The following ARHGEF10L variants were observed in gnomAD, a reference collection of about 807,000 sequenced individuals.
ARHGEF10L encodes the protein rho guanine nucleotide exchange factor 10-like protein.
ARHGEF10L carries 69 observed loss-of-function variants against 141.2 expected under a neutral mutation model. The observed-to-expected ratio is 0.49, with a 90% CI of 0.40 to 0.60. The LOEUF is 0.60. Among genes scored for constraint, ARHGEF10L ranks in the 20% least tolerant of loss-of-function variants. The pLI is 0.00. For missense variants in ARHGEF10L, 1,482 were observed against 1,734.3 expected (o/e 0.85, Z 2.58); for synonymous variants, 711 against 718.5 (o/e 0.99, Z 0.17).
At chr1:17,668,319 C>G (rs928411769) in intron 26 of ARHGEF10L, among the ~76,000 whole-genome samples, 3 of 152,258 alleles carry the variant, frequency 2.0e-5, no homozygotes, top group Non-Finnish European at 4.4e-5. Flanking sequence ...TGGAAGACAG[C>G]CTTCCTCCTG....
At chr1:17,610,021 C>T (rs760013756) in intron 7 of ARHGEF10L, among the ~76,000 whole-genome samples, 2 of 152,218 alleles carry the variant, frequency 1.3e-5, no homozygotes, top group Non-Finnish European at 2.9e-5. Context: ...TGGCGTTCCT[C>T]CTCCTCTCCC....
chr1:17,643,170 T>C (rs79943492), intron 21 of ARHGEF10L, among the ~76,000 whole-genome samples: 3,515 of 152,232 alleles, frequency 0.023, 151 homozygotes, highest in African/African-American at 0.081. Context: ...TGGGAGGGGA[T>C]GATAATATGA....
rs2060317562 is a variant in ARHGEF10L, at chr1:17,625,210, TAA to T, written c.1317+709_1317+710del. Among the ~76,000 whole-genome samples the T allele has an allele frequency of 6.6e-6, 1 of 152,092 alleles. No individual in the cohort carries two copies. Among genetic ancestry groups the T allele is most frequent in the Non-Finnish European group, 1.5e-5 (1 of 68,020 alleles). ...CGGGGGATGGTGGGATTGTGCCAAATAAAGACAGAGGAGAGCCTATATCAGGT... is the reference window on the plus strand; with the variant it reads ...CGGGGGATGGTGGGATTGTGCCAAATAGACAGAGGAGAGCCTATATCAGGT... On this transcript the variant is annotated intron_variant, in intron 13 of 28. Coordinates refer to ENST00000361221, the MANE Select transcript of ARHGEF10L (RefSeq NM_018125.4). The surrounding 1 kb of genome is among the most constrained non-coding windows in gnomAD (Gnocchi z 4.5).
chr1:17,689,834 TGA>T, intron 27 of ARHGEF10L: 2 of 454,894 alleles, frequency 4.4e-6, no homozygotes, highest in Non-Finnish European at 8.8e-6. Context: ...CAGAGGAGAG[TGA>T]GAGAGAGTCA....
At chr1:17,671,661 C>G (rs913763429) in intron 26 of ARHGEF10L, among the ~76,000 whole-genome samples, 5 of 152,210 alleles carry the variant, frequency 3.3e-5, no homozygotes, top group African/African-American at 1.2e-4. Flanking sequence ...GTGGGGTTAA[C>G]TGGGGCAGCC....
chr1:17,533,019 C>G, the ARHGEF10L span, among the ~76,000 whole-genome samples: 6 of 152,184 alleles, frequency 3.9e-5, no homozygotes, highest in African/African-American at 1.2e-4. Context: ...TCATCCTGCA[C>G]CAAGACAGTG....
At chr1:17,592,534 G>T (rs1175562350) in intron 4 of ARHGEF10L, among the ~76,000 whole-genome samples, 2 of 152,144 alleles carry the variant, frequency 1.3e-5, no homozygotes, top group African/African-American at 4.8e-5. Context: ...GGGCTGAGAG[G>T]ATCAGGGCAA....
At chr1:17,601,365 A>G (rs992666554) in intron 4 of ARHGEF10L, among the ~76,000 whole-genome samples, 1 of 152,192 alleles carries the variant, frequency 6.6e-6, no homozygotes, top group Non-Finnish European at 1.5e-5. Flanking sequence ...GAAGGGACTC[A>G]CTGGGCCAGC....
intron 26 of ARHGEF10L, among the ~76,000 whole-genome samples, chr1:17,677,452 G>A (rs569105473): frequency 1.3e-5 from 2 of 152,186 alleles, no homozygotes. Flanking sequence ...TGTCTCCTTC[G>A]ATCGGTGCCG....
chr1:17,575,926 T>C (rs1283000785), intron 1 of ARHGEF10L, among the ~76,000 whole-genome samples: 1 of 152,208 alleles, frequency 6.6e-6, no homozygotes, highest in East Asian at 1.9e-4. Context: ...ACAAGCGTGC[T>C]TGGGCCAGAA....
rs1027999187 is a variant in ARHGEF10L, at chr1:17,673,555, G to A, written c.3009+8960G>A. Among the ~76,000 whole-genome samples, 11 of 152,164 alleles carry A rather than the reference G, an allele frequency of 7.2e-5. No individual in the cohort carries two copies. The highest frequency in any genetic ancestry group is 2.0e-4 in the Admixed American group (3 of 15,286). On this transcript the variant is annotated intron_variant, in intron 26 of 28. Transcript: ENST00000361221. This position sits in a 1 kb window ranked among gnomAD's most constrained non-coding sequence, Gnocchi z 4.1. ...GAGGTCACATGTGCAGAGGGTGTAGGCTAGTGCCTAATGCACACTCAGGCA... is the reference window on the plus strand; with the variant it reads ...GAGGTCACATGTGCAGAGGGTGTAGACTAGTGCCTAATGCACACTCAGGCA...
intron 25 of ARHGEF10L, among the ~76,000 whole-genome samples, chr1:17,661,820 C>T (rs1191762636): frequency 1.3e-5 from 2 of 152,254 alleles, no homozygotes; most frequent in Non-Finnish European, 1.5e-5. Context: ...GCATCCCTGG[C>T]GGAGCCCTGG....
intron 26 of ARHGEF10L, among the ~76,000 whole-genome samples, chr1:17,667,448 G>A (rs1306390215): frequency 6.6e-6 from 1 of 152,196 alleles, no homozygotes; most frequent in African/African-American, 2.4e-5. Flanking sequence ...GGGGGAGTGG[G>A]GCCCGAGACA....
At chr1:17,594,902 C>T (rs1428865655) in intron 4 of ARHGEF10L, among the ~76,000 whole-genome samples, 1 of 152,134 alleles carries the variant, frequency 6.6e-6, no homozygotes, top group Non-Finnish European at 1.5e-5. Flanking sequence ...CTCATTGTCA[C>T]TGTCTCCAAA....
At chr1:17,601,026 G>A (rs954711147) in intron 4 of ARHGEF10L, among the ~76,000 whole-genome samples, 1 of 148,654 alleles carries the variant, frequency 6.7e-6, no homozygotes, top group African/African-American at 2.5e-5. Flanking sequence ...CTGAAGCCTG[G>A]GCGACAGAGC....
At chr1:17,651,860 C>G (rs867019508) in intron 22 of ARHGEF10L, among the ~76,000 whole-genome samples, 1 of 152,184 alleles carries the variant, frequency 6.6e-6, no homozygotes, top group African/African-American at 2.4e-5. Flanking sequence ...GGCCTCAAAT[C>G]GCTGTCCCCC....
At chr1:17,550,989 G>A (rs1439587759) in intron 1 of ARHGEF10L, among the ~76,000 whole-genome samples, 3 of 151,908 alleles carry the variant, frequency 2.0e-5, no homozygotes, top group Admixed American at 6.6e-5. Context: ...GCTATTAAGC[G>A]TCTCACCTTA....
the ARHGEF10L span, among the ~76,000 whole-genome samples, chr1:17,522,219 C>T: frequency 2.6e-5 from 4 of 152,320 alleles, no homozygotes; most frequent in East Asian, 1.9e-4. Flanking sequence ...TGGCACCTCA[C>T]GTGCGGCCTG....
rs144936441 is a variant in ARHGEF10L, at chr1:17,613,131, G to C, written c.683G>C (p.Gly228Ala). The change falls in exon 8 of 29, where the codon GGG becomes GCG. Residue 228 changes from glycine (G) to alanine (A), a missense_variant. Coordinates refer to ENST00000361221, the MANE Select transcript of ARHGEF10L (RefSeq NM_018125.4). ...TKRDILALRV[G>A]GRDMQELKHK... ...AGAGACATCTTGGCTTTGAGAGTTG[G>C]GGGGAGAGACATGCAGGAGCTGAAG... The C allele has an allele frequency of 9.1e-5, 147 of 1,613,950 alleles. No homozygotes were observed. The highest frequency in any genetic ancestry group is 1.1e-4 in the Non-Finnish European group (127 of 1,179,930).
Sources: gnomAD v4.1 joint callset for allele counts (sites outside exome capture counted in the v4.1 genomes callset) on GRCh38, gnomAD v4.1.1 for gene constraint, Gnocchi (gnomAD v3.1) non-coding constraint, MANE v1.5 for transcripts, NCBI Gene and HGNC (gene_info 2026-07-23, HGNC 2026-07-21) for gene names.